Variants in LRP1B observed in about 807,000 individuals in gnomAD.
LRP1B encodes the protein low-density lipoprotein receptor-related protein 1B.
Under a neutral mutation model 556.6 loss-of-function variants are expected in LRP1B, and 217 were observed. That is an observed-to-expected ratio of 0.39 (90% CI 0.35 to 0.44). The LOEUF is 0.44. Ranked by LOEUF, LRP1B falls within the 20% of genes least tolerant of loss-of-function variation. The probability of loss-of-function intolerance (pLI) is 1.00; values close to 1 mark genes in which losing one functional copy is unlikely to be tolerated. For synonymous variants in LRP1B, 2,047 were observed against 1,865.8 expected (o/e 1.10, Z -2.50); for missense variants, 5,053 against 5,620.8 (o/e 0.90, Z 3.23).
At chr2:141,871,352 A>G (rs1698581485) in intron 1 of LRP1B, among the ~76,000 whole-genome samples, 1 of 148,044 alleles carries the variant, frequency 6.8e-6, no homozygotes, top group African/African-American at 2.4e-5. Flanking sequence ...ATTGTAATAT[A>G]ATAAAGATTA....
At chr2:141,444,930 T>C (rs140241682) in intron 3 of LRP1B, among the ~76,000 whole-genome samples, 3 of 152,214 alleles carry the variant, frequency 2.0e-5, no homozygotes, top group African/African-American at 7.2e-5. Context: ...ATCAGGGTGA[T>C]GCTGGCCTCA....
chr2:140,603,904 T>C (rs1455223831), intron 41 of LRP1B, among the ~76,000 whole-genome samples: 3 of 152,072 alleles, frequency 2.0e-5, no homozygotes, highest in Non-Finnish European at 4.4e-5. Context: ...ATAAGACATA[T>C]TTCTCAATTT....
At chr2:141,676,709 G>A (rs1478316199) in intron 2 of LRP1B, among the ~76,000 whole-genome samples, 1 of 152,134 alleles carries the variant, frequency 6.6e-6, no homozygotes, top group Non-Finnish European at 1.5e-5. Flanking sequence ...TGAGGAAATG[G>A]ATGGCTAGCG....
chr2:141,227,781 T>C (rs1247965260), intron 6 of LRP1B, among the ~76,000 whole-genome samples: 2 of 152,348 alleles, frequency 1.3e-5, no homozygotes, highest in East Asian at 3.9e-4. Context: ...TAGTATTATT[T>C]CTTTACATAA....
intron 2 of LRP1B, among the ~76,000 whole-genome samples, chr2:141,747,431 T>C (rs1693955148): frequency 6.6e-6 from 1 of 152,210 alleles, no homozygotes; most frequent in African/African-American, 2.4e-5. Flanking sequence ...GGTAGTAAAC[T>C]GTACATGTGA....
chr2:141,822,102 C>T (rs1696768792), intron 1 of LRP1B, among the ~76,000 whole-genome samples: 1 of 88,240 alleles, frequency 1.1e-5, no homozygotes, highest in Admixed American at 1.3e-4. Context: ...TACACACACA[C>T]ACACACACAC....
chr2:140,381,299 AAAC>A (rs1683474836), intron 67 of LRP1B, among the ~76,000 whole-genome samples: 1 of 152,202 alleles, frequency 6.6e-6, no homozygotes, highest in Non-Finnish European at 1.5e-5. Context: ...ACAATAACAA[AAAC>A]AACATGACTG....
At chr2:142,034,482 A>T (rs1276661991) in intron 1 of LRP1B, among the ~76,000 whole-genome samples, 6 of 151,520 alleles carry the variant, frequency 4.0e-5, no homozygotes, top group Admixed American at 1.3e-4. Context: ...AACTGATAAC[A>T]TCCATGTTCA....
intron 86 of LRP1B, among the ~76,000 whole-genome samples, chr2:140,262,712 G>T (rs112724352): frequency 2.0e-5 from 3 of 152,134 alleles, no homozygotes; most frequent in Admixed American, 1.3e-4. Flanking sequence ...ACTTCTAAAG[G>T]GGGGGAGTCC....
At chr2:141,957,809 T>C (rs1701299990) in intron 1 of LRP1B, among the ~76,000 whole-genome samples, 1 of 152,078 alleles carries the variant, frequency 6.6e-6, no homozygotes, top group Admixed American at 6.6e-5. Context: ...AGAGATAAGC[T>C]ATTAGGATTT....
chr2:141,464,234 G>A (rs1349790057), intron 3 of LRP1B, among the ~76,000 whole-genome samples: 2 of 152,064 alleles, frequency 1.3e-5, no homozygotes, highest in African/African-American at 2.4e-5. Context: ...AAAAATGTAT[G>A]AGTGAGCAAT....
chr2:142,028,126 A>G (rs1703568479), intron 1 of LRP1B, among the ~76,000 whole-genome samples: 1 of 151,986 alleles, frequency 6.6e-6, no homozygotes, highest in Admixed American at 6.6e-5. Flanking sequence ...CATGAACAAA[A>G]ATAGAGATTG....
chr2:141,813,743 G>A (rs765441411), intron 1 of LRP1B, among the ~76,000 whole-genome samples: 5 of 152,030 alleles, frequency 3.3e-5, no homozygotes, highest in South Asian at 2.1e-4. Flanking sequence ...GGGTGGGAGC[G>A]TTACAGCTCT....
Position 141,182,458 on chromosome 2 carries a change from T to C in LRP1B, c.1013+5963A>G, listed in dbSNP as rs531211373. On this transcript the variant is annotated intron_variant, in intron 7 of 90. Coordinates refer to ENST00000389484, the MANE Select transcript of LRP1B (RefSeq NM_018557.3). ...TGCTGAGGTCAGCTAATCTGAGTAC[T>C]GCTTCTGTGTGAGAACCTAGGTTGT... is the stretch of plus-strand genomic sequence containing the variant. 5.9e-5 allele frequency among the ~76,000 whole-genome samples: 9 copies of C among 152,112 alleles called. No homozygotes were observed. The South Asian group carries it at 1.9e-3, about 32-fold the overall frequency.
intron 1 of LRP1B, among the ~76,000 whole-genome samples, chr2:141,813,784 C>G (rs551464460): frequency 1.8e-3 from 269 of 152,218 alleles, no homozygotes; most frequent in Non-Finnish European, 3.0e-3. Flanking sequence ...GTTCTGGATT[C>G]TTGTCCCACA....
intron 85 of LRP1B, 24 bp from the exon 86 acceptor site, chr2:140,270,370 A>G (rs1226872830): frequency 2.6e-5 from 37 of 1,444,952 alleles, no homozygotes; most frequent in Non-Finnish European, 3.5e-5. Flanking sequence ...GAAAAAAAGA[A>G]CAATTTCATT....
intron 7 of LRP1B, among the ~76,000 whole-genome samples, chr2:141,164,151 A>G (rs1680152033): frequency 6.6e-6 from 1 of 152,122 alleles, no homozygotes; most frequent in African/African-American, 2.4e-5. Flanking sequence ...AATGAAAGTT[A>G]GAGAGAAGCA....
chr2:141,734,360 T>C (rs1693387417), intron 2 of LRP1B, among the ~76,000 whole-genome samples: 1 of 152,122 alleles, frequency 6.6e-6, no homozygotes, highest in Non-Finnish European at 1.5e-5. Flanking sequence ...TTCATGATTC[T>C]GTAATTAGCA....
At chr2:141,211,620 A>C (rs971953432) in intron 6 of LRP1B, among the ~76,000 whole-genome samples, 7 of 152,290 alleles carry the variant, frequency 4.6e-5, no homozygotes, top group Middle Eastern at 3.4e-3. Context: ...CCATCTCAGA[A>C]AAATAAAATA....
Sources: gnomAD v4.1 joint callset for allele counts (sites outside exome capture counted in the v4.1 genomes callset) on GRCh38, gnomAD v4.1.1 for gene constraint, MANE v1.5 for transcripts, NCBI Gene and HGNC (gene_info 2026-07-23, HGNC 2026-07-21) for gene names.